The following NUP153 variants were observed in gnomAD, a reference collection of about 807,000 sequenced individuals.
NUP153 encodes nuclear pore complex protein Nup153.
NUP153 carries 27 observed loss-of-function variants against 134.6 expected under a neutral mutation model. The ratio of observed to expected loss-of-function variants is 0.20; its 90% CI spans 0.15 to 0.28. The LOEUF (loss-of-function observed/expected upper bound fraction) is 0.28, where lower values mean the gene tolerates loss of function less well. Among genes scored for constraint, NUP153 ranks in the 10% least tolerant of loss-of-function variants. The pLI, the probability that NUP153 is intolerant of heterozygous loss-of-function variation, is 1.00. For missense variants in NUP153, 1,821 were observed against 1,731.3 expected (o/e 1.05, Z -0.92); for synonymous variants, 640 against 623.5 (o/e 1.03, Z -0.40).
chr6:17,653,626 T>C (rs1338554744), intron 11 of NUP153, among the ~76,000 whole-genome samples: 2 of 152,156 alleles, frequency 1.3e-5, no homozygotes, highest in Non-Finnish European at 2.9e-5. Context: ...TTACTCACAA[T>C]AGCCAGGGAC....
intron 17 of NUP153, among the ~76,000 whole-genome samples, chr6:17,630,397 C>T (rs1395895033): frequency 6.6e-6 from 1 of 152,174 alleles, no homozygotes; most frequent in South Asian, 2.1e-4. Flanking sequence ...TGGTAGCTCA[C>T]GCTTGGAATC....
At chr6:17,701,846 A>AGGGGGGGG (rs1561916995) in intron 1 of NUP153, among the ~76,000 whole-genome samples, 6 of 65,676 alleles carry the variant, frequency 9.1e-5, no homozygotes, top group African/African-American at 2.0e-4. Context: ...GGGGGGGGGA[A>AGGGGGGGG]AAAAGCTAAA....
chr6:17,668,384 A>G (rs1407426024), intron 8 of NUP153, among the ~76,000 whole-genome samples: 3 of 151,272 alleles, frequency 2.0e-5, no homozygotes, highest in Admixed American at 6.6e-5. Context: ...CTGGCCGATC[A>G]CTCCTATTTT....
chr6:17,665,532 C>T (rs1767481877), intron 8 of NUP153, 147 bp from the exon 9 acceptor site: 1 of 623,190 alleles, frequency 1.6e-6, no homozygotes, highest in African/African-American at 1.8e-5. Flanking sequence ...AGAGGAAAAA[C>T]TGATAATAAT....
intron 1 of NUP153, among the ~76,000 whole-genome samples, chr6:17,696,503 C>T (rs1023144098): frequency 2.0e-5 from 3 of 152,150 alleles, no homozygotes; most frequent in Non-Finnish European, 4.4e-5. Flanking sequence ...CGCCTGTAAT[C>T]CCAGTACTTT....
At chr6:17,658,656 T>C (rs1237411080) in intron 11 of NUP153, among the ~76,000 whole-genome samples, 3 of 152,138 alleles carry the variant, frequency 2.0e-5, no homozygotes, top group South Asian at 4.2e-4. Context: ...TTGAAGAAAA[T>C]TGGAAAGGTG....
intron 20 of NUP153, among the ~76,000 whole-genome samples, chr6:17,620,340 C>T (rs192325031): frequency 8.5e-5 from 13 of 152,226 alleles, no homozygotes; most frequent in African/African-American, 2.4e-4. Context: ...AACAAATCCA[C>T]GTATTTACAG....
At chr6:17,650,517 T>A (rs1469830404) in intron 11 of NUP153, among the ~76,000 whole-genome samples, 2 of 152,070 alleles carry the variant, frequency 1.3e-5, no homozygotes. Flanking sequence ...TTCAGAGAAG[T>A]CCATTGCCAG....
chr6:17,634,459 CAG>C (rs1765418689), intron 16 of NUP153, among the ~76,000 whole-genome samples: 1 of 150,690 alleles, frequency 6.6e-6, no homozygotes, highest in Non-Finnish European at 1.5e-5. Context: ...TTTTTTGAGA[CAG>C]AGTCTCACTC....
intron 1 of NUP153, among the ~76,000 whole-genome samples, chr6:17,693,597 T>A (rs1769424777): frequency 6.6e-6 from 1 of 152,190 alleles, no homozygotes; most frequent in East Asian, 1.9e-4. Flanking sequence ...TAAAGATACT[T>A]CCTTTGAGGC....
intron 14 of NUP153, among the ~76,000 whole-genome samples, chr6:17,641,700 A>G (rs1025209625): frequency 4.6e-5 from 7 of 150,948 alleles, no homozygotes; most frequent in African/African-American, 1.7e-4. Flanking sequence ...AAAAATACAA[A>G]ACAAATTAGC....
intron 20 of NUP153, among the ~76,000 whole-genome samples, chr6:17,621,488 G>T (rs1764640419): frequency 6.6e-6 from 1 of 152,124 alleles, no homozygotes; most frequent in African/African-American, 2.4e-5. Context: ...AGAAAATGTG[G>T]TTTAATATAC....
chr6:17,691,376 T>C (rs1344263466), intron 1 of NUP153, among the ~76,000 whole-genome samples: 1 of 152,224 alleles, frequency 6.6e-6, no homozygotes, highest in Non-Finnish European at 1.5e-5. Context: ...CTATATCCAA[T>C]ATTTAATATT....
chr6:17,624,190 A>G (rs1289266937), intron 20 of NUP153, among the ~76,000 whole-genome samples: 2 of 152,242 alleles, frequency 1.3e-5, no homozygotes. Context: ...CTGCCCCAGG[A>G]GAGAGCACTG....
At chr6:17,688,673 AAGTACCTACTC>A (rs1209522793) in intron 1 of NUP153, 55 bp from the exon 2 acceptor site, 4 of 1,408,264 alleles carry the variant, frequency 2.8e-6, no homozygotes, top group Non-Finnish European at 3.9e-6. Context: ...TTTTTAAAAT[AAGTACCTACTC>A]ACTGAAAGCC....
intron 2 of NUP153, among the ~76,000 whole-genome samples, chr6:17,686,486 C>T (rs13211045): frequency 2.6e-5 from 4 of 151,306 alleles, no homozygotes; most frequent in Non-Finnish European, 5.9e-5. Context: ...AGCTCCGCCT[C>T]CCGGGTTCAT....
At chr6:17,648,365 C>T (rs1464482796) in intron 12 of NUP153, among the ~76,000 whole-genome samples, 1 of 152,130 alleles carries the variant, frequency 6.6e-6, no homozygotes. Context: ...GCTTGTAATC[C>T]TAGCACTTTG....
intron 2 of NUP153, among the ~76,000 whole-genome samples, chr6:17,686,263 C>T (rs1768917702): frequency 6.6e-6 from 1 of 152,086 alleles, no homozygotes; most frequent in Non-Finnish European, 1.5e-5. Flanking sequence ...ATGATAGCTC[C>T]ATGGATGTTA....
intron 14 of NUP153, among the ~76,000 whole-genome samples, chr6:17,641,631 A>T (rs1375593386): frequency 6.6e-6 from 1 of 152,198 alleles, no homozygotes; most frequent in Non-Finnish European, 1.5e-5. Flanking sequence ...AGGCAGGCAG[A>T]TCACGAGGTC....
Sources: gnomAD v4.1 joint callset for allele counts (sites outside exome capture counted in the v4.1 genomes callset) on GRCh38, gnomAD v4.1.1 for gene constraint, MANE v1.5 for transcripts, NCBI Gene and HGNC (gene_info 2026-07-23, HGNC 2026-07-21) for gene names.